The following PDSS2 variants were observed in gnomAD, a reference collection of about 807,000 sequenced individuals.
PDSS2 encodes decaprenyl diphosphate synthase subunit 2, also known as all trans-polyprenyl-diphosphate synthase PDSS2.
A neutral mutation model predicts 44.5 loss-of-function variants in PDSS2; 31 were observed. That is an observed-to-expected ratio of 0.70 (90% CI 0.52 to 0.94). The LOEUF (loss-of-function observed/expected upper bound fraction) is 0.94. Ranked by LOEUF, PDSS2 falls within the 40% of genes least tolerant of loss-of-function variation. The pLI, the probability that PDSS2 is intolerant of heterozygous loss-of-function variation, is 0.00. For synonymous variants in PDSS2, 157 were observed against 180.3 expected (o/e 0.87, Z 1.03); for missense variants, 452 against 482.2 (o/e 0.94, Z 0.59).
chr6:107,219,960 A>G (rs1171356786), intron 4 of PDSS2, among the ~76,000 whole-genome samples: 1 of 152,244 alleles, frequency 6.6e-6, no homozygotes, highest in Non-Finnish European at 1.5e-5. Flanking sequence ...GACACATGCT[A>G]TGCCATGGAT....
rs887340468 is a variant in PDSS2, at chr6:107,334,243, T to G, written c.386A>C (p.Asn129Thr). The change falls in exon 2 of 8, where the codon AAC (asparagine) becomes ACC (threonine). Residue 129 changes from asparagine (N) to threonine (T), a missense_variant. Transcript: ENST00000369037. ...ISKAAGPSSV[N>T]TSCQNYDMVS... Reference sequence around the variant, plus strand: ...CATGTCATAGTTCTGACATGAAGTGTTCACGCTGCTGGGCCCAGCTGCTTT... The same window carrying G: ...CATGTCATAGTTCTGACATGAAGTGGTCACGCTGCTGGGCCCAGCTGCTTT... 2 of 1,613,708 alleles carry G rather than the reference T, an allele frequency of 1.2e-6. No individual in the cohort carries two copies. The highest frequency in any genetic ancestry group is 4.5e-5 in the East Asian group (2 of 44,852).
At chr6:107,264,506 A>C in intron 3 of PDSS2, 1 of 1,532,372 alleles carries the variant, frequency 6.5e-7, no homozygotes, top group Non-Finnish European at 8.8e-7. Flanking sequence ...CCATTAAATG[A>C]AAATGACTAC....
chr6:107,313,352 C>CTTTA (rs1247784109), intron 2 of PDSS2, among the ~76,000 whole-genome samples: 4 of 151,954 alleles, frequency 2.6e-5, no homozygotes, highest in African/African-American at 9.7e-5. Flanking sequence ...TTTTGTTTTA[C>CTTTA]TTTATTTATT....
chr6:107,277,634 G>A (rs888455801), intron 2 of PDSS2, among the ~76,000 whole-genome samples: 1 of 152,108 alleles, frequency 6.6e-6, no homozygotes, highest in African/African-American at 2.4e-5. Context: ...CTAGGACACC[G>A]CCTTAGACAT....
chr6:107,368,087 G>A (rs1202093522), intron 1 of PDSS2, among the ~76,000 whole-genome samples: 2 of 151,788 alleles, frequency 1.3e-5, no homozygotes, highest in African/African-American at 2.4e-5. Context: ...TGGCCAACAT[G>A]GTGAAACCCT....
intron 3 of PDSS2, among the ~76,000 whole-genome samples, chr6:107,253,831 G>A (rs757286461): frequency 6.6e-6 from 1 of 151,890 alleles, no homozygotes; most frequent in Non-Finnish European, 1.5e-5. Flanking sequence ...CAACAATTAG[G>A]TTCCTGAAAA....
At chr6:107,276,891 T>C (rs1775802447) in intron 2 of PDSS2, among the ~76,000 whole-genome samples, 1 of 152,218 alleles carries the variant, frequency 6.6e-6, no homozygotes, top group Non-Finnish European at 1.5e-5. Flanking sequence ...AAGGTCCAGC[T>C]GTCCCAGTCA....
intron 2 of PDSS2, among the ~76,000 whole-genome samples, chr6:107,288,696 AGCAGTATGG>A (rs2115009542): frequency 6.7e-6 from 1 of 149,122 alleles, no homozygotes; most frequent in South Asian, 2.2e-4. Flanking sequence ...GTTTTTCTAG[AGCAGTATGG>A]GGTCATTAAG....
At position 107,357,986 on chromosome 6, in the gene PDSS2, G is replaced by C. The variant is rs550091254; in HGVS notation, c.297-23654C>G. 9.2e-5 allele frequency among the ~76,000 whole-genome samples: 14 copies of C among 152,200 alleles called. No individual in the cohort carries two copies. The South Asian group carries it at 2.9e-3, about 32-fold the overall frequency. Reference sequence around the variant, plus strand: ...AAAATACTATTACACTATAAAATCAGTATAATACTGGTTGAGCATCCCTAA... The same window carrying C: ...AAAATACTATTACACTATAAAATCACTATAATACTGGTTGAGCATCCCTAA... On this transcript the variant is annotated intron_variant, in intron 1 of 7. Coordinates refer to ENST00000369037, the MANE Select transcript of PDSS2 (RefSeq NM_020381.4).
intron 1 of PDSS2, among the ~76,000 whole-genome samples, chr6:107,427,873 A>C (rs1781055781): frequency 6.6e-6 from 1 of 152,228 alleles, no homozygotes; most frequent in African/African-American, 2.4e-5. Context: ...ACCATATCAA[A>C]CTGGAGTTGC....
chr6:107,164,919 G>A (rs1771285786), intron 7 of PDSS2, among the ~76,000 whole-genome samples: 1 of 152,204 alleles, frequency 6.6e-6, no homozygotes, highest in Non-Finnish European at 1.5e-5. Context: ...GATGGCCAGT[G>A]ATGATGAGCA....
At position 107,448,202 on chromosome 6, in the gene PDSS2, T is replaced by C. The variant is rs567600451; in HGVS notation, c.296+10788A>G. ...CATCCTGGAGACATTTTCCCCATTG[T>C]CTTGGCAATTAGCATTTGGCTCCTC... On this transcript the variant is annotated intron_variant, in intron 1 of 7. Transcript: ENST00000369037. Among the ~76,000 whole-genome samples the C allele has an allele frequency of 5.3e-5, 8 of 152,344 alleles. No individual in the cohort carries two copies. In the South Asian group the frequency reaches 1.7e-3, roughly 32 times the overall value.
chr6:107,402,679 T>A (rs1166999251), intron 1 of PDSS2, among the ~76,000 whole-genome samples: 2 of 150,366 alleles, frequency 1.3e-5, no homozygotes, highest in Non-Finnish European at 3.0e-5. Flanking sequence ...AAACAACATG[T>A]ACAGGGGAAT....
chr6:107,404,128 G>C (rs1011972404), intron 1 of PDSS2, among the ~76,000 whole-genome samples: 2 of 152,064 alleles, frequency 1.3e-5, no homozygotes, highest in Middle Eastern at 3.2e-3. Flanking sequence ...TACATCTCTA[G>C]GGCAGGGCAA....
chr6:107,437,996 A>G (rs1781406449), intron 1 of PDSS2, among the ~76,000 whole-genome samples: 2 of 152,138 alleles, frequency 1.3e-5, no homozygotes. Flanking sequence ...TGAACTCAGA[A>G]AGCAATGAGA....
At chr6:107,265,937 TCAAACAAA>T (rs557962602) in intron 3 of PDSS2, among the ~76,000 whole-genome samples, 2 of 152,034 alleles carry the variant, frequency 1.3e-5, no homozygotes, top group Non-Finnish European at 2.9e-5. Context: ...CAAAACTGTC[TCAAACAAA>T]CAAACAAACA....
chr6:107,281,424 T>C (rs1375480582), intron 2 of PDSS2, among the ~76,000 whole-genome samples: 1 of 152,192 alleles, frequency 6.6e-6, no homozygotes, highest in East Asian at 1.9e-4. Flanking sequence ...GCCAAATACA[T>C]TCTGAGAAGT....
intron 7 of PDSS2, among the ~76,000 whole-genome samples, chr6:107,173,078 T>C (rs1771642287): frequency 6.8e-6 from 1 of 147,480 alleles, no homozygotes; most frequent in Non-Finnish European, 1.5e-5. Flanking sequence ...GACCTGAGAT[T>C]GTGCCACTGC....
At chr6:107,376,466 GA>G (rs1239348437) in intron 1 of PDSS2, among the ~76,000 whole-genome samples, 2 of 152,154 alleles carry the variant, frequency 1.3e-5, no homozygotes, top group African/African-American at 4.8e-5. Flanking sequence ...TCTCCTTGAA[GA>G]GGTCCTTCAC....
Sources: allele counts gnomAD v4.1 joint callset (sites outside exome capture counted in the v4.1 genomes callset), GRCh38; gene constraint gnomAD v4.1.1; transcripts MANE v1.5; gene names NCBI Gene and HGNC (gene_info 2026-07-23, HGNC 2026-07-21).